SMC2: variants seen among roughly 807,000 people sequenced by gnomAD.
SMC2 encodes structural maintenance of chromosomes protein 2.
In SMC2, 41 loss-of-function variants were observed where a neutral mutation model predicts 142.6. The ratio of observed to expected loss-of-function variants is 0.29; its 90% confidence interval spans 0.22 to 0.37. The LOEUF is 0.37. Among genes scored for constraint, SMC2 ranks in the 10% least tolerant of loss-of-function variants. SMC2 has a pLI of 1.00. For missense variants in SMC2, 1,265 were observed against 1,373.7 expected (o/e 0.92, Z 1.25); for synonymous variants, 463 against 457.5 (o/e 1.01, Z -0.15).
intron 14 of SMC2, 114 bp downstream of exon 14, chr9:104,116,433 CA>C (rs1156655599): frequency 3.9e-6 from 4 of 1,031,642 alleles, no homozygotes; most frequent in Admixed American, 3.7e-5. Context: ...AATTAAAATA[CA>C]AAAAAATTGG....
chr9:104,111,914 G>A, intron 10 of SMC2, 100 bp downstream of exon 10: 2 of 841,444 alleles, frequency 2.4e-6, no homozygotes, highest in Non-Finnish European at 3.6e-6. Flanking sequence ...AAAATAATCA[G>A]TCTCAAGGAA....
chr9:104,129,950 T>C, intron 21 of SMC2, 105 bp downstream of exon 21: 1 of 795,232 alleles, frequency 1.3e-6, no homozygotes, highest in Non-Finnish European at 2.0e-6. Context: ...TTTGCAGATG[T>C]CCTTGATACT....
Position 104,118,151 on chromosome 9 carries a change from T to A in SMC2, c.1792-20T>A, listed in dbSNP as rs1480775821. ...AAAAGTAGTAGTATGTACTGTGGCA[T>A]ATCTGTTGTTGTCCCACAGGTTGGC... On this transcript the variant is annotated intron_variant, in intron 14 of 24. Coordinates refer to ENST00000374793, the MANE Select transcript of SMC2 (RefSeq NM_006444.3). 6.2e-7 allele frequency: 1 copy of A among 1,603,018 alleles called. No individual in the cohort carries two copies.
In SMC2 at chr9:104,094,876, G is replaced by A. The variant is rs184938805; in HGVS notation, c.-62+399G>A. The stretch of plus-strand genomic sequence containing the variant: ...TAATATCAGCTTTAAGTACCATGAA[G>A]GAAAAAGAAAGCCGAGTGAAGGATT... On this transcript the variant is annotated intron_variant, in intron 1 of 24. Transcript: ENST00000374793. 2.9e-3 allele frequency: 439 copies of A among 151,384 alleles called. 1 individual carries two copies. Among genetic ancestry groups the A allele is most frequent in the African/African-American group, 0.012 (416 of 35,402 alleles). The allele number at this position is 151,384 out of a possible 1,614,324, so 9.4% of individuals were successfully genotyped here. A position where few individuals can be genotyped will look rare whatever the true frequency, so the allele number is the denominator to read the frequency against.
intron 18 of SMC2, among the ~76,000 whole-genome samples, chr9:104,125,336 A>G (rs1834149951): frequency 1.3e-5 from 2 of 152,162 alleles, no homozygotes; most frequent in Admixed American, 6.5e-5. Context: ...CTGAGGCTCA[A>G]AGGAAATGTT....
chr9:104,116,369 T>G (rs1427119236), intron 14 of SMC2, 50 bp downstream of exon 14: 1 of 1,520,238 alleles, frequency 6.6e-7, no homozygotes, highest in African/African-American at 1.4e-5. Flanking sequence ...TCTGTGGTTT[T>G]TTTAAGTTAG....
At chr9:104,103,882 T>C (rs79966791) in intron 9 of SMC2, among the ~76,000 whole-genome samples, 1,719 of 152,344 alleles carry the variant, frequency 0.011, 35 homozygotes, top group African/African-American at 0.039. Context: ...CAGTCTGTGT[T>C]GTGGCATCCA....
intron 20 of SMC2, among the ~76,000 whole-genome samples, chr9:104,129,118 A>G (rs1006887408): frequency 6.6e-6 from 1 of 152,140 alleles, no homozygotes; most frequent in Non-Finnish European, 1.5e-5. Context: ...AGTAATAGGA[A>G]GATCTTTTGC....
At chr9:104,100,644 A>G (rs1237412722) in intron 7 of SMC2, among the ~76,000 whole-genome samples, 3 of 152,196 alleles carry the variant, frequency 2.0e-5, no homozygotes, top group South Asian at 2.1e-4. Context: ...AGTAATTTTT[A>G]TAGTTTCAGA....
At chr9:104,115,595 A>AG (rs1321582834) in intron 13 of SMC2, among the ~76,000 whole-genome samples, 2 of 151,528 alleles carry the variant, frequency 1.3e-5, no homozygotes. Flanking sequence ...AAAAAAAAAA[A>AG]GAAAAAAACA....
intron 17 of SMC2, among the ~76,000 whole-genome samples, chr9:104,123,680 C>T (rs1304001675): frequency 1.3e-5 from 2 of 152,102 alleles, no homozygotes; most frequent in Admixed American, 6.5e-5. Flanking sequence ...TTTTTTCCCA[C>T]TGTTCTCATG....
In SMC2 at chr9:104,127,820, C is replaced by A. The variant is rs1834482461; in HGVS notation, c.2790+340C>A. On this transcript the variant is annotated intron_variant, in intron 20 of 24. Transcript: ENST00000374793. ...TAGTAATAATGATATATATTCTCTA[C>A]CTTATTTCAAATTGAATTAAAAAAC... Among the ~76,000 whole-genome samples, 3 of 152,096 alleles carry A rather than the reference C, an allele frequency of 2.0e-5. No homozygotes were observed. In the South Asian group the frequency reaches 6.2e-4, roughly 31 times the overall value.
At chr9:104,122,285 G>A (rs550817033) in intron 16 of SMC2, among the ~76,000 whole-genome samples, 1 of 152,250 alleles carries the variant, frequency 6.6e-6, no homozygotes, top group South Asian at 2.1e-4. Context: ...AAAAAAATGA[G>A]AATGGTGGAA....
intron 22 of SMC2, 54 bp from the exon 23 acceptor site, chr9:104,134,361 G>A: frequency 1.4e-6 from 2 of 1,388,438 alleles, no homozygotes; most frequent in Non-Finnish European, 2.0e-6. Flanking sequence ...ATCAACAATT[G>A]ATTCTTCTTG....
intron 9 of SMC2, among the ~76,000 whole-genome samples, chr9:104,104,870 C>G (rs1831571142): frequency 6.6e-6 from 1 of 152,230 alleles, no homozygotes; most frequent in African/African-American, 2.4e-5. Context: ...TCACTGTGCC[C>G]AGGAGGACCA....
intron 9 of SMC2, among the ~76,000 whole-genome samples, chr9:104,106,623 C>A (rs7872618): frequency 0.057 from 8,616 of 152,094 alleles, 653 homozygotes; most frequent in African/African-American, 0.18. Flanking sequence ...GAACTCCCGA[C>A]CTCAGGTGAT....
At chr9:104,137,537 T>G (rs1007095072) in intron 23 of SMC2, among the ~76,000 whole-genome samples, 2 of 151,900 alleles carry the variant, frequency 1.3e-5, no homozygotes, top group African/African-American at 4.8e-5. Context: ...ATATATAGAT[T>G]GTGTGTGTGT....
chr9:104,134,198 C>A (rs1422442016), intron 22 of SMC2, among the ~76,000 whole-genome samples: 4 of 152,108 alleles, frequency 2.6e-5, no homozygotes, highest in African/African-American at 9.7e-5. Context: ...CATCCAGTCT[C>A]TGTTGCAACT....
At chr9:104,129,475 T>C (rs963248857) in intron 20 of SMC2, among the ~76,000 whole-genome samples, 170 bp from the exon 21 acceptor site, 18 of 151,024 alleles carry the variant, frequency 1.2e-4, no homozygotes, top group Non-Finnish European at 2.4e-4. Flanking sequence ...GCACTCCAGC[T>C]TGGGCAACAA....
Sources: gnomAD v4.1 joint callset for allele counts (sites outside exome capture counted in the v4.1 genomes callset) on GRCh38, gnomAD v4.1.1 for gene constraint, MANE v1.5 for transcripts, NCBI Gene and HGNC (gene_info 2026-07-23, HGNC 2026-07-21) for gene names.